The following ZNF415 variants were observed in gnomAD, a reference collection of about 807,000 sequenced individuals.
ZNF415 encodes zinc finger protein 415.
A neutral mutation model predicts 7.3 loss-of-function variants in ZNF415; 5 were observed. The ratio of observed to expected loss-of-function variants is 0.69; its 90% confidence interval spans 0.36 to 1.44. The LOEUF is 1.44. Among genes scored for constraint, ZNF415 ranks in the 40% most tolerant of loss-of-function variants. The pLI is 0.04. For synonymous variants in ZNF415, 207 were observed against 226.3 expected (o/e 0.91, Z 0.77); for missense variants, 628 against 664.8 (o/e 0.94, Z 0.61).
intron 2 of ZNF415, among the ~76,000 whole-genome samples, chr19:53,116,939 C>A (rs2087150403): frequency 6.6e-6 from 1 of 151,774 alleles, no homozygotes; most frequent in Admixed American, 6.6e-5. Flanking sequence ...ATAAGGTGAC[C>A]AAATATTTGA....
chr19:53,115,740 G>T, intron 3 of ZNF415: 1 of 1,550,336 alleles, frequency 6.5e-7, no homozygotes, highest in Middle Eastern at 1.7e-4. Flanking sequence ...CACCCTTTTG[G>T]TTTTCTTGCT....
chr19:53,114,128 A>G (rs943608082), intron 3 of ZNF415, among the ~76,000 whole-genome samples: 16 of 152,186 alleles, frequency 1.1e-4, no homozygotes, highest in African/African-American at 3.6e-4. Context: ...GTTGGTTATC[A>G]TAGCAGGAAT....
chr19:53,108,814 G>C lies in ZNF415; in HGVS notation c.1231C>G (p.Pro411Ala). 1 of 1,614,074 alleles carries C rather than the reference G, an allele frequency of 6.2e-7. No individual in the cohort carries two copies. The highest frequency in any genetic ancestry group is 1.1e-5 in the South Asian group (1 of 91,082). Residue 411 changes from proline (P) to alanine (A), a missense_variant, in exon 4 of 4, where the codon CCT becomes GCT. By Grantham distance (27) the Pro-to-Ala change is conservative (BLOSUM62 -1). Coordinates refer to ENST00000243643, the MANE Select transcript of ZNF415 (RefSeq NM_018355.4). ...TTACCACATTCATTGCATTTGTAAG[G>C]TTTCTCTCCAGTATGAATTCTCCAA... is the stretch of plus-strand genomic sequence containing the variant. ...RHWRIHTGEK[P>A]YKCNECGKVF... is the part of the protein sequence containing the mutation.
At chr19:53,125,017 A>C (rs1232528330) in intron 1 of ZNF415, among the ~76,000 whole-genome samples, 1 of 150,470 alleles carries the variant, frequency 6.6e-6, no homozygotes, top group Non-Finnish European at 1.5e-5. Context: ...CTTGCAAATC[A>C]TCTAGTAACT....
chr19:53,118,306 T>C (rs1182136733), intron 2 of ZNF415, among the ~76,000 whole-genome samples: 7 of 152,120 alleles, frequency 4.6e-5, no homozygotes, highest in African/African-American at 1.4e-4. Context: ...TCCAGACATA[T>C]AGGGCGAATA....
chr19:53,117,189 C>T (rs2087195733), intron 2 of ZNF415, among the ~76,000 whole-genome samples: 1 of 152,120 alleles, frequency 6.6e-6, no homozygotes, highest in Non-Finnish European at 1.5e-5. Context: ...CGCCTGTAAT[C>T]CCAGCACTTT....
At position 53,107,980 on chromosome 19, in the gene ZNF415, T is replaced by A. The variant is rs2085643941; in HGVS notation, c.*397A>T. ...TACAATGTGTAATATGAAAAGTTTA[T>A]CAGCACAACTAGACTGAATTATTCC... On this transcript the variant is annotated 3_prime_UTR_variant, in exon 4 of 4. Coordinates refer to ENST00000243643, the MANE Select transcript of ZNF415 (RefSeq NM_018355.4). 5.6e-6 allele frequency: 1 copy of A among 179,248 alleles called. No homozygotes were observed. Among genetic ancestry groups the A allele is most frequent in the East Asian group, 1.6e-4 (1 of 6,332 alleles). The allele number at this position is 179,248 out of a possible 1,614,324, so 11.1% of individuals were successfully genotyped here. A position where few individuals can be genotyped will look rare whatever the true frequency, so the allele number is the denominator to read the frequency against.
At chr19:53,123,426 G>C (rs770375028) in intron 1 of ZNF415, 297 of 397,870 alleles carry the variant, frequency 7.5e-4, no homozygotes, top group Non-Finnish European at 1.2e-3. Flanking sequence ...GTGTGAAATG[G>C]GAAGTGGGTC....
In ZNF415 at chr19:53,123,472, G is replaced by A. The variant is rs549492262; in HGVS notation, c.-67-729C>T. ...CCGCTGAGAAGGTGATATTGGAACCGAGACCTGGGGAAGGAGGGGTGTTTG... is the reference window on the plus strand; with the variant it reads ...CCGCTGAGAAGGTGATATTGGAACCAAGACCTGGGGAAGGAGGGGTGTTTG... On this transcript the variant is annotated intron_variant, in intron 1 of 3. Transcript: ENST00000243643. 248 of 398,784 alleles carry A rather than the reference G, an allele frequency of 6.2e-4. 1 individual carries two copies. Among genetic ancestry groups the A allele is most frequent in the African/African-American group, 3.6e-3 (175 of 48,728 alleles). 24.7% of individuals were successfully genotyped at this position (398,784 alleles called of 1,614,324 possible).
At chr19:53,122,602 T>C in intron 2 of ZNF415, 60 bp downstream of exon 2, 4 of 1,612,058 alleles carry the variant, frequency 2.5e-6, no homozygotes, top group Non-Finnish European at 3.4e-6. Flanking sequence ...CTCCAAGGCA[T>C]TGTCTCCCAC....
chr19:53,119,136 G>T (rs1162516922), intron 2 of ZNF415, among the ~76,000 whole-genome samples: 3 of 152,012 alleles, frequency 2.0e-5, no homozygotes, highest in Admixed American at 6.6e-5. Flanking sequence ...AAAAAAATTA[G>T]CTGGGTGTGG....
intron 1 of ZNF415, among the ~76,000 whole-genome samples, chr19:53,128,679 G>A (rs2089620306): frequency 8.6e-6 from 1 of 116,254 alleles, no homozygotes; most frequent in Non-Finnish European, 2.0e-5. Context: ...CAGGGTCTGC[G>A]GGGCTTTTCA....
At chr19:53,129,087 A>C (rs2146676821) in intron 1 of ZNF415, among the ~76,000 whole-genome samples, 1 of 152,314 alleles carries the variant, frequency 6.6e-6, no homozygotes, top group South Asian at 2.1e-4. Flanking sequence ...CTAGACCCGA[A>C]GGAGGAAAAA....
At chr19:53,128,664 G>A (rs1395623994) in intron 1 of ZNF415, among the ~76,000 whole-genome samples, 1 of 115,898 alleles carries the variant, frequency 8.6e-6, no homozygotes, top group African/African-American at 3.0e-5. Context: ...CACTGGCTGA[G>A]GACACAGGGT....
chr19:53,118,869 G>A (rs2087474430), intron 2 of ZNF415, among the ~76,000 whole-genome samples: 1 of 152,120 alleles, frequency 6.6e-6, no homozygotes, highest in African/African-American at 2.4e-5. Flanking sequence ...AATAAGCCAG[G>A]CACGGTGGCT....
chr19:53,123,026 C>T (rs1225165549), intron 1 of ZNF415, among the ~76,000 whole-genome samples: 1 of 152,174 alleles, frequency 6.6e-6, no homozygotes, highest in East Asian at 1.9e-4. Context: ...ATGCAGAGCA[C>T]AGCCCCCTTT....
intron 2 of ZNF415, 50 bp downstream of exon 2, chr19:53,122,612 C>A (rs761309565): frequency 3.7e-6 from 6 of 1,613,108 alleles, no homozygotes; most frequent in Non-Finnish European, 5.1e-6. Flanking sequence ...TTGTCTCCCA[C>A]CTTTCTGAAA....
chr19:53,115,626 C>A, intron 3 of ZNF415: 1 of 1,116,706 alleles, frequency 9.0e-7, no homozygotes, highest in Non-Finnish European at 1.3e-6. Flanking sequence ...TGTTTTCCTA[C>A]AGAACTCTCC....
In ZNF415 at chr19:53,108,839, A is replaced by T; in HGVS notation, c.1206T>A (p.His402Gln). The T allele has an allele frequency of 6.2e-7, 1 of 1,614,102 alleles. No homozygotes were observed. Among genetic ancestry groups the T allele is most frequent in the Admixed American group, 1.7e-5 (1 of 60,026 alleles). The change falls in exon 4 of 4, where the codon CAT becomes CAA. Residue 402 changes from histidine (H) to glutamine (Q), a missense_variant. Physicochemically the swap from His to Gln is conservative, Grantham distance 24. Transcript: ENST00000243643. ...GTTTCTCTCCAGTATGAATTCTCCAATGCCTTGCAAGGCTTGAAGTCTGAC... is the reference window on the plus strand; with the variant it reads ...GTTTCTCTCCAGTATGAATTCTCCATTGCCTTGCAAGGCTTGAAGTCTGAC... ...VFSQTSSLAR[H>Q]WRIHTGEKPY... is the part of the protein sequence containing the mutation.
Sources: allele counts gnomAD v4.1 joint callset (sites outside exome capture counted in the v4.1 genomes callset), GRCh38; gene constraint gnomAD v4.1.1; transcripts MANE v1.5; gene names NCBI Gene and HGNC (gene_info 2026-07-23, HGNC 2026-07-21).